LRRTM4: variants seen among roughly 807,000 people sequenced by gnomAD.
LRRTM4 encodes leucine-rich repeat transmembrane neuronal protein 4.
LRRTM4 carries 25 observed loss-of-function variants against 47.6 expected under a neutral mutation model. The observed-to-expected ratio is 0.53, with a 90% CI of 0.38 to 0.73. The LOEUF (loss-of-function observed/expected upper bound fraction) is 0.73. Ranked by LOEUF, LRRTM4 falls within the 30% of genes least tolerant of loss-of-function variation. The pLI is 0.00. For synonymous variants in LRRTM4, 311 were observed against 269.5 expected, an observed-to-expected ratio of 1.15 and a Z score of -1.51; for missense variants, 638 against 713.4, an observed-to-expected ratio of 0.89 and a Z score of 1.20.
chr2:76,781,018 C>A (rs547809891), intron 3 of LRRTM4, among the ~76,000 whole-genome samples: 4 of 152,092 alleles, frequency 2.6e-5, no homozygotes, highest in Non-Finnish European at 2.9e-5. Flanking sequence ...AATACCCTGC[C>A]GTGTGAGGTG....
intron 3 of LRRTM4, among the ~76,000 whole-genome samples, chr2:77,254,901 A>C (rs1573150607): frequency 8.7e-6 from 1 of 115,508 alleles, no homozygotes; most frequent in South Asian, 2.2e-4. Context: ...GGGCAAACAG[A>C]AAAAAAAAAA....
At chr2:76,934,661 A>G (rs1674882246) in intron 3 of LRRTM4, among the ~76,000 whole-genome samples, 1 of 152,212 alleles carries the variant, frequency 6.6e-6, no homozygotes. Flanking sequence ...AGCTGGGAAG[A>G]TATGTGCAGA....
intron 3 of LRRTM4, among the ~76,000 whole-genome samples, chr2:77,058,771 A>G (rs1011127377): frequency 1.3e-5 from 2 of 152,100 alleles, no homozygotes; most frequent in Non-Finnish European, 2.9e-5. Flanking sequence ...TGTTTTCTAT[A>G]TTTGGCATAT....
intron 3 of LRRTM4, among the ~76,000 whole-genome samples, chr2:77,143,153 G>T (rs1672170317): frequency 6.6e-6 from 1 of 152,072 alleles, no homozygotes; most frequent in South Asian, 2.1e-4. Flanking sequence ...ATCCTATGAG[G>T]CTATTCTTAT....
At chr2:76,905,952 T>C (rs1673820550) in intron 3 of LRRTM4, among the ~76,000 whole-genome samples, 2 of 151,988 alleles carry the variant, frequency 1.3e-5, no homozygotes, top group African/African-American at 4.8e-5. Context: ...ACTTCCCCAA[T>C]CTAGCAAGGC....
intron 3 of LRRTM4, among the ~76,000 whole-genome samples, chr2:77,083,266 T>C (rs2103861152): frequency 6.6e-6 from 1 of 152,252 alleles, no homozygotes; most frequent in Admixed American, 6.5e-5. Context: ...TATTCCATGG[T>C]GCAAAGGATC....
rs1162315509 is a variant in LRRTM4, at chr2:76,902,806, C to A, written c.1552-153890G>T. On this transcript the variant is annotated intron_variant, in intron 3 of 3. Transcript: ENST00000409884. ...TTTTAAACTATTCTATTGAGTTGTA[C>A]ATTAGATGGCCCCAAATTGATAGAT... Among the ~76,000 whole-genome samples the A allele has an allele frequency of 3.3e-5, 5 of 152,120 alleles. No individual in the cohort carries two copies. In the East Asian group the frequency reaches 9.6e-4, roughly 29 times the overall value.
chr2:76,937,320 T>C (rs1279854664), intron 3 of LRRTM4, among the ~76,000 whole-genome samples: 4 of 152,082 alleles, frequency 2.6e-5, no homozygotes, highest in Admixed American at 6.5e-5. Context: ...TAATCAGATA[T>C]GGAGGAAAAA....
At chr2:76,754,824 A>G (rs545718390) in intron 3 of LRRTM4, among the ~76,000 whole-genome samples, 92 of 152,220 alleles carry the variant, frequency 6.0e-4, no homozygotes, top group Non-Finnish European at 1.1e-3. Flanking sequence ...ACGTGCTTAG[A>G]TTATTTTGCC....
intron 3 of LRRTM4, among the ~76,000 whole-genome samples, chr2:77,265,459 T>C (rs1676026736): frequency 6.6e-6 from 1 of 152,092 alleles, no homozygotes; most frequent in African/African-American, 2.4e-5. Context: ...ACCTTCCCGC[T>C]GCCCCTGTGC....
intron 3 of LRRTM4, among the ~76,000 whole-genome samples, chr2:77,153,224 A>T (rs1672475672): frequency 6.6e-6 from 1 of 152,126 alleles, no homozygotes; most frequent in South Asian, 2.1e-4. Flanking sequence ...GGTGTGTCAG[A>T]TTAGTGCTAT....
At chr2:77,006,142 G>A (rs777048358) in intron 3 of LRRTM4, among the ~76,000 whole-genome samples, 3 of 151,994 alleles carry the variant, frequency 2.0e-5, no homozygotes, top group Non-Finnish European at 4.4e-5. Flanking sequence ...TTTCAACCAT[G>A]CTCTTCTGAG....
chr2:76,870,571 G>C (rs574087765), intron 3 of LRRTM4, among the ~76,000 whole-genome samples: 2 of 152,212 alleles, frequency 1.3e-5, no homozygotes, highest in East Asian at 1.9e-4. Flanking sequence ...GCTCTGTATA[G>C]TGTCTTGATT....
chr2:77,388,220 G>C (rs1673360975), intron 3 of LRRTM4, among the ~76,000 whole-genome samples: 1 of 152,004 alleles, frequency 6.6e-6, no homozygotes, highest in African/African-American at 2.4e-5. Flanking sequence ...TCTACGTGTG[G>C]AGAAGTGAAC....
intron 3 of LRRTM4, among the ~76,000 whole-genome samples, chr2:77,274,639 T>C (rs1210202261): frequency 1.3e-5 from 2 of 152,148 alleles, no homozygotes; most frequent in African/African-American, 4.8e-5. Flanking sequence ...ACAACTATTA[T>C]CACAATTGTA....
At chr2:76,957,763 G>A (rs1180103859) in intron 3 of LRRTM4, among the ~76,000 whole-genome samples, 1 of 151,152 alleles carries the variant, frequency 6.6e-6, no homozygotes, top group Non-Finnish European at 1.5e-5. Context: ...TTGAATATAA[G>A]AAGAATAATC....
chr2:77,072,767 C>A (rs759927505), intron 3 of LRRTM4, among the ~76,000 whole-genome samples: 24 of 139,560 alleles, frequency 1.7e-4, no homozygotes, highest in Admixed American at 7.0e-4. Flanking sequence ...CCACTTCACT[C>A]CAGCCTGGGC....
intron 3 of LRRTM4, among the ~76,000 whole-genome samples, chr2:77,028,233 T>C (rs1678520696): frequency 6.6e-6 from 1 of 152,138 alleles, no homozygotes; most frequent in South Asian, 2.1e-4. Context: ...GCATGACTCA[T>C]TGAGTAATGA....
rs1675482424 is a variant in LRRTM4, at chr2:77,433,868, G to T, written c.1551+84450C>A. ...AGAAACATCAGAGAGAAGAGCAGAA[G>T]AATTAATTCTGTTTAGGAATAGGTC... On this transcript the variant is annotated intron_variant, in intron 3 of 3. Coordinates refer to ENST00000409884, the MANE Select transcript of LRRTM4 (RefSeq NM_001134745.3). 2.0e-5 allele frequency among the ~76,000 whole-genome samples: 3 copies of T among 152,128 alleles called. No individual in the cohort carries two copies. In the South Asian group the frequency reaches 6.2e-4, roughly 32 times the overall value.
Sources: gnomAD v4.1 joint callset for allele counts (sites outside exome capture counted in the v4.1 genomes callset) on GRCh38, gnomAD v4.1.1 for gene constraint, MANE v1.5 for transcripts, NCBI Gene and HGNC (gene_info 2026-07-23, HGNC 2026-07-21) for gene names.